The following APIP variants were observed in gnomAD, a reference collection of about 807,000 sequenced individuals.
APIP encodes methylthioribulose-1-phosphate dehydratase.
APIP carries 32 observed loss-of-function variants against 32.0 expected under a neutral mutation model. That is an observed-to-expected ratio of 1.00 (90% CI 0.76 to 1.34). The LOEUF is 1.34. APIP is among the 40% of genes most tolerant of loss of function. The pLI, the probability that APIP is intolerant of heterozygous loss-of-function variation, is 0.00. For missense variants in APIP, 247 were observed against 298.6 expected (o/e 0.83, Z 1.27); for synonymous variants, 92 against 94.8 (o/e 0.97, Z 0.17).
intron 2 of APIP, 117 bp downstream of exon 2, chr11:34,894,893 A>G: frequency 3.5e-6 from 3 of 864,668 alleles, no homozygotes; most frequent in Non-Finnish European, 5.6e-6. Context: ...TAGAAACTAA[A>G]GACCTTCAGT....
chr11:34,898,487 G>A (rs1197177597), intron 1 of APIP, among the ~76,000 whole-genome samples: 1 of 152,140 alleles, frequency 6.6e-6, no homozygotes, highest in African/African-American at 2.4e-5. Flanking sequence ...GTCGGACCCA[G>A]CCTCCAACAG....
intron 5 of APIP, among the ~76,000 whole-genome samples, chr11:34,887,517 T>C (rs984992893): frequency 6.6e-6 from 1 of 152,244 alleles, no homozygotes; most frequent in Non-Finnish European, 1.5e-5. Flanking sequence ...AGTTTAAACA[T>C]GCACATTCCA....
In APIP at chr11:34,915,865, G is replaced by A. The variant is rs996122298; in HGVS notation, c.57+363C>T. 3.7e-5 allele frequency: 12 copies of A among 322,318 alleles called. No individual in the cohort carries two copies. The Admixed American group carries it at 3.9e-4, about 11-fold the overall frequency. The allele number at this position is 322,318 out of a possible 1,614,324, so 20.0% of individuals were successfully genotyped here. A position where few individuals can be genotyped will look rare whatever the true frequency, so the allele number is the denominator to read the frequency against. ...AGGGCGCAGAAAAGAAGCTTGGGGG[G>A]CGCGGTCTTCGCCCCAGCTCCACTT... On this transcript the variant is annotated intron_variant, in intron 1 of 6. Transcript: ENST00000395787.
intron 1 of APIP, chr11:34,896,758 T>C: frequency 7.9e-7 from 1 of 1,272,238 alleles, no homozygotes; most frequent in South Asian, 1.2e-5. Context: ...AAAATGAGAC[T>C]ACCTGGGAGA....
chr11:34,910,311 A>C (rs935851237), intron 1 of APIP, among the ~76,000 whole-genome samples: 13 of 152,236 alleles, frequency 8.5e-5, no homozygotes, highest in African/African-American at 3.1e-4. Flanking sequence ...TGGAAGCAAG[A>C]TCGCAGTGAG....
At chr11:34,916,175 C>T in intron 1 of APIP, 53 bp downstream of exon 1, 1 of 1,578,484 alleles carries the variant, frequency 6.3e-7, no homozygotes, top group South Asian at 1.1e-5. Flanking sequence ...CCGCCGGGTC[C>T]CGCCTGGGCC....
At chr11:34,914,705 T>G (rs3763937) in intron 1 of APIP, among the ~76,000 whole-genome samples, 19,878 of 152,042 alleles carry the variant, frequency 0.13, 1,775 homozygotes, top group African/African-American at 0.26. Context: ...TGATTCTGGA[T>G]TTTGAAATGT....
intron 5 of APIP, among the ~76,000 whole-genome samples, chr11:34,886,886 A>G (rs1309142528): frequency 1.3e-5 from 2 of 152,200 alleles, no homozygotes; most frequent in East Asian, 3.8e-4. Context: ...TGTTCACACA[A>G]TGATGAAATC....
At chr11:34,886,600 CACTT>C (rs1209775375) in intron 5 of APIP, among the ~76,000 whole-genome samples, 1 of 152,216 alleles carries the variant, frequency 6.6e-6, no homozygotes, top group African/African-American at 2.4e-5. Flanking sequence ...ACCACTCACT[CACTT>C]ATTCACCCAG....
At chr11:34,895,706 A>C (rs1853257517) in intron 1 of APIP, among the ~76,000 whole-genome samples, 1 of 152,046 alleles carries the variant, frequency 6.6e-6, no homozygotes, top group South Asian at 2.1e-4. Context: ...ATACTTGCTT[A>C]ACCCATTTTA....
intron 4 of APIP, 130 bp downstream of exon 4, chr11:34,888,622 G>A: frequency 9.2e-7 from 1 of 1,090,508 alleles, no homozygotes; most frequent in Non-Finnish European, 1.3e-6. Context: ...TGAGAACTGA[G>A]TAAGTTCATG....
chr11:34,895,163 A>G (rs1326941), intron 1 of APIP, 53 bp from the exon 2 acceptor site: 970,232 of 1,459,534 alleles, frequency 0.66, 326,589 homozygotes, highest in East Asian at 0.73. Context: ...TCAAGTAACT[A>G]TTCCAGCTGG....
intron 1 of APIP, among the ~76,000 whole-genome samples, chr11:34,906,823 G>T (rs1853467330): frequency 6.6e-6 from 1 of 152,184 alleles, no homozygotes; most frequent in Admixed American, 6.5e-5. Context: ...ATGAATTCTA[G>T]TCTTCTTTAT....
chr11:34,897,886 C>G (rs12292530), intron 1 of APIP, among the ~76,000 whole-genome samples: 1,616 of 152,186 alleles, frequency 0.011, 25 homozygotes, highest in African/African-American at 0.037. Context: ...CTATGAAAAT[C>G]AGACACCACC....
In APIP at chr11:34,916,290, A is replaced by C. The variant is rs1853690858; in HGVS notation, c.-6T>G. The C allele has an allele frequency of 1.9e-6, 3 of 1,612,120 alleles. No individual in the cohort carries two copies. Among genetic ancestry groups the C allele is most frequent in the Non-Finnish European group, 2.5e-6 (3 of 1,179,356 alleles). On this transcript the variant is annotated 5_prime_UTR_variant, in exon 1 of 7. Transcript: ENST00000395787. ...CGAGCATCACAGCCAGACATGGCCC[A>C]GACCAGGGACCCGCGCGGCCTCCAA...
chr11:34,912,578 G>A (rs1034340752), intron 1 of APIP, among the ~76,000 whole-genome samples: 2 of 152,190 alleles, frequency 1.3e-5, no homozygotes, highest in Admixed American at 1.3e-4. Flanking sequence ...GGGAAAGGCA[G>A]GCCCACCCTT....
intron 1 of APIP, among the ~76,000 whole-genome samples, chr11:34,911,676 T>C (rs561536119): frequency 1.2e-4 from 19 of 152,260 alleles, no homozygotes; most frequent in African/African-American, 4.3e-4. Flanking sequence ...TACTCCCACA[T>C]AGCAAAAACG....
intron 2 of APIP, 103 bp downstream of exon 2, chr11:34,894,907 A>C: frequency 9.9e-7 from 1 of 1,010,412 alleles, no homozygotes; most frequent in Non-Finnish European, 1.5e-6. Flanking sequence ...CTTCAGTATC[A>C]CATAAAACTG....
At chr11:34,909,563 T>TGA (rs1460777146) in intron 1 of APIP, among the ~76,000 whole-genome samples, 2 of 152,086 alleles carry the variant, frequency 1.3e-5, no homozygotes, top group African/African-American at 4.8e-5. Context: ...GGTTTTGTGT[T>TGA]GAGAGAGGCA....
Sources: gnomAD v4.1 joint callset for allele counts (sites outside exome capture counted in the v4.1 genomes callset) on GRCh38, gnomAD v4.1.1 for gene constraint, MANE v1.5 for transcripts, NCBI Gene and HGNC (gene_info 2026-07-23, HGNC 2026-07-21) for gene names.